LARGE1: variants seen among roughly 807,000 people sequenced by gnomAD.
LARGE1 encodes xylosyl- and glucuronyltransferase LARGE1.
A neutral mutation model predicts 87.6 loss-of-function variants in LARGE1; 43 were observed. That is an observed-to-expected ratio of 0.49 (90% CI 0.38 to 0.63). The LOEUF (loss-of-function observed/expected upper bound fraction) is 0.63, where lower values mean the gene tolerates loss of function less well. Among genes scored for constraint, LARGE1 ranks in the 30% least tolerant of loss-of-function variants. LARGE1 has a pLI of 0.00. For missense variants in LARGE1, 802 were observed against 1,000.2 expected (o/e 0.80, Z 2.67); for synonymous variants, 434 against 394.6 (o/e 1.10, Z -1.18).
intron 3 of LARGE1, among the ~76,000 whole-genome samples, chr22:33,629,107 G>A (rs982453058): frequency 4.6e-5 from 7 of 152,164 alleles, no homozygotes; most frequent in East Asian, 1.9e-4. Flanking sequence ...TTCTCCACCT[G>A]TAAAAGAAAG....
rs534784285 is a variant in LARGE1 at position 33,595,823 on chromosome 22, C to G, written c.615+8612G>C. The stretch of plus-strand genomic sequence containing the variant: ...TTACAGACCTTGCCCTCTAGGTTCC[C>G]TCTGTCTAGTAGAGAAGGCAGATGA... On this transcript the variant is annotated intron_variant, in intron 5 of 14. Transcript: ENST00000397394. Among the ~76,000 whole-genome samples, 4 of 152,314 alleles carry G rather than the reference C, an allele frequency of 2.6e-5. No homozygotes were observed. In the South Asian group the frequency reaches 8.3e-4, roughly 32 times the overall value.
At chr22:33,110,199 A>G in the LARGE1 span, among the ~76,000 whole-genome samples, 1 of 152,302 alleles carries the variant, frequency 6.6e-6, no homozygotes, top group African/African-American at 2.4e-5. Flanking sequence ...ATTGCTATTG[A>G]CATTGCAATG....
chr22:33,137,022 C>G, the LARGE1 span: 1 of 152,100 alleles, frequency 6.6e-6, no homozygotes, highest in Non-Finnish European at 1.5e-5. Context: ...AATGTGCCCA[C>G]TGAGTTGTCA....
chr22:33,623,973 T>C (rs2079839342), intron 4 of LARGE1, among the ~76,000 whole-genome samples: 1 of 152,000 alleles, frequency 6.6e-6, no homozygotes, highest in African/African-American at 2.4e-5. Flanking sequence ...GAGGTTTCAG[T>C]GAGCCAAGAT....
chr22:33,128,770 G>C, the LARGE1 span, among the ~76,000 whole-genome samples: 18 of 151,950 alleles, frequency 1.2e-4, no homozygotes, highest in Admixed American at 1.1e-3. Flanking sequence ...CAGCCATAAA[G>C]AGGAATGAGA....
At chr22:33,288,358 C>A (rs919258845) in intron 12 of LARGE1, among the ~76,000 whole-genome samples, 1 of 152,186 alleles carries the variant, frequency 6.6e-6, no homozygotes, top group South Asian at 2.1e-4. Flanking sequence ...ACACAGAAAT[C>A]CTGCCTCAGT....
chr22:33,221,849 A>G (rs1241976613), intron 11 of LARGE1: 1 of 152,252 alleles, frequency 6.6e-6, no homozygotes, highest in Non-Finnish European at 1.5e-5. Context: ...TGTGAACACT[A>G]AAGTCTTTAC....
At position 33,754,873 on chromosome 22, in the gene LARGE1, C is replaced by T. The variant is rs75991604; in HGVS notation, c.106+6498G>A. 7.2e-4 allele frequency among the ~76,000 whole-genome samples: 109 copies of T among 152,276 alleles called. 1 individual carries two copies. The East Asian group carries it at 0.02, about 28-fold the overall frequency. On this transcript the variant is annotated intron_variant, in intron 2 of 14. Transcript: ENST00000397394. ...TTCACCAATACCATGTACAATCTGA[C>T]TTCCCAGACCTTCCAGCACACTCTC...
At chr22:33,839,071 G>C (rs1254787501) in intron 1 of LARGE1, among the ~76,000 whole-genome samples, 1 of 152,182 alleles carries the variant, frequency 6.6e-6, no homozygotes, top group Non-Finnish European at 1.5e-5. Context: ...TGCATCGCTA[G>C]AAAGAAATTC....
chr22:33,334,093 A>G (rs1381525971), intron 10 of LARGE1, among the ~76,000 whole-genome samples: 1 of 150,342 alleles, frequency 6.7e-6, no homozygotes, highest in Admixed American at 6.7e-5. Flanking sequence ...ACTGCACTCC[A>G]GCTGGGGCGA....
the LARGE1 span, among the ~76,000 whole-genome samples, chr22:33,103,283 A>G: frequency 6.6e-6 from 1 of 151,946 alleles, no homozygotes; most frequent in African/African-American, 2.4e-5. Flanking sequence ...ATTACAAAAA[A>G]TTAGCCGGGC....
intron 1 of LARGE1, among the ~76,000 whole-genome samples, chr22:33,911,961 C>T (rs2146964807): frequency 6.6e-6 from 1 of 152,332 alleles, no homozygotes. Flanking sequence ...GTAATGAAAA[C>T]ATGACCATTC....
chr22:33,597,486 G>C (rs2079010245), intron 5 of LARGE1, among the ~76,000 whole-genome samples: 2 of 152,078 alleles, frequency 1.3e-5, no homozygotes, highest in African/African-American at 4.8e-5. Context: ...ACGGCAGGGG[G>C]CTGGAAGATT....
intron 2 of LARGE1, among the ~76,000 whole-genome samples, chr22:33,699,747 A>G (rs1279748098): frequency 6.6e-6 from 1 of 152,220 alleles, no homozygotes; most frequent in East Asian, 1.9e-4. Flanking sequence ...ATTCAAAGGG[A>G]TAAAAAAAAA....
chr22:33,908,037 T>C (rs2065508095), intron 1 of LARGE1, among the ~76,000 whole-genome samples: 1 of 152,144 alleles, frequency 6.6e-6, no homozygotes, highest in Non-Finnish European at 1.5e-5. Context: ...GGGAAGGTTT[T>C]CTTTAGATTC....
chr22:33,780,321 A>G (rs1429063944), intron 1 of LARGE1, among the ~76,000 whole-genome samples: 2 of 152,192 alleles, frequency 1.3e-5, no homozygotes, highest in Non-Finnish European at 2.9e-5. Context: ...AATTCAACCC[A>G]TAACAGTTAC....
chr22:33,130,819 G>T, the LARGE1 span, among the ~76,000 whole-genome samples: 1 of 152,024 alleles, frequency 6.6e-6, no homozygotes, highest in Non-Finnish European at 1.5e-5. Context: ...GCCGAGGCAG[G>T]CAGATTACGA....
chr22:33,551,490 T>C (rs5999009), intron 6 of LARGE1, among the ~76,000 whole-genome samples: 43 of 152,346 alleles, frequency 2.8e-4, no homozygotes, highest in African/African-American at 1.0e-3. Flanking sequence ...CTGTTGCTTA[T>C]GGAGAGTAGG....
intron 11 of LARGE1, among the ~76,000 whole-genome samples, chr22:33,223,306 C>T (rs140420468): frequency 2.0e-5 from 3 of 152,282 alleles, no homozygotes; most frequent in Non-Finnish European, 4.4e-5. Flanking sequence ...AGGCAACATC[C>T]AGATTTAAAA....
Sources: allele counts gnomAD v4.1 joint callset (sites outside exome capture counted in the v4.1 genomes callset), GRCh38; gene constraint gnomAD v4.1.1; transcripts MANE v1.5; gene names NCBI Gene and HGNC (gene_info 2026-07-23, HGNC 2026-07-21).